Variants in CNTN6 observed in about 807,000 individuals in gnomAD.
CNTN6 encodes contactin-6.
CNTN6 carries 137 observed loss-of-function variants against 122.8 expected under a neutral mutation model. The observed-to-expected ratio is 1.12, with a 90% CI of 0.97 to 1.29. The LOEUF (loss-of-function observed/expected upper bound fraction) is 1.29. CNTN6 is among the 50% of genes most tolerant of loss of function. The pLI is 0.00. For synonymous variants in CNTN6, 570 were observed against 426.0 expected, an observed-to-expected ratio of 1.34 and a Z score of -4.16; for missense variants, 1,634 against 1,223.4, an observed-to-expected ratio of 1.34 and a Z score of -5.01.
chr3:1,129,592 G>C (rs1057128778), intron 1 of CNTN6, among the ~76,000 whole-genome samples: 1 of 152,010 alleles, frequency 6.6e-6, no homozygotes, highest in Non-Finnish European at 1.5e-5. Context: ...TTATTTTGGA[G>C]ATTAAACATA....
chr3:1,228,343 G>C (rs2094312091), intron 4 of CNTN6, among the ~76,000 whole-genome samples: 1 of 152,096 alleles, frequency 6.6e-6, no homozygotes, highest in Non-Finnish European at 1.5e-5. Flanking sequence ...GGAGAGCACA[G>C]GAAGAAAAAG....
intron 12 of CNTN6, among the ~76,000 whole-genome samples, chr3:1,355,551 T>TAGTC (rs1482681959): frequency 5.3e-5 from 8 of 151,794 alleles, no homozygotes; most frequent in Non-Finnish European, 1.2e-4. Flanking sequence ...ATTGGGTGTA[T>TAGTC]AGTCATCTGG....
intron 4 of CNTN6, among the ~76,000 whole-genome samples, chr3:1,264,870 C>A (rs1242349966): frequency 6.6e-6 from 1 of 151,934 alleles, no homozygotes; most frequent in Non-Finnish European, 1.5e-5. Flanking sequence ...TCCTATGCAC[C>A]CCTCTCCCCC....
In CNTN6 at chr3:1,329,575, G is replaced by A. The variant is rs1702005150; in HGVS notation, c.1214-210G>A. 2.0e-5 allele frequency among the ~76,000 whole-genome samples: 3 copies of A among 151,616 alleles called. No homozygotes were observed. The Admixed American group carries it at 2.0e-4, about 10-fold the overall frequency. Reference sequence around the variant, plus strand: ...TTAATCTCCACACTAACTCTCTAAGGTAATATCTTTTGTCATCTTCATTTT... The same window carrying A: ...TTAATCTCCACACTAACTCTCTAAGATAATATCTTTTGTCATCTTCATTTT... On this transcript the variant is annotated intron_variant, in intron 10 of 22. Transcript: ENST00000446702.
At chr3:1,402,248 T>C in intron 21 of CNTN6, 70 bp from the exon 22 acceptor site, 2 of 1,258,592 alleles carry the variant, frequency 1.6e-6, no homozygotes, top group Non-Finnish European at 2.3e-6. Flanking sequence ...TCTTACAGTG[T>C]TCCAGAACAG....
chr3:1,342,991 A>C (rs1296967101), intron 11 of CNTN6, among the ~76,000 whole-genome samples: 1 of 151,564 alleles, frequency 6.6e-6, no homozygotes, highest in East Asian at 1.9e-4. Context: ...CACCTTTGCC[A>C]CTCCTAAGAG....
chr3:1,309,334 T>A (rs1698870570), intron 7 of CNTN6, among the ~76,000 whole-genome samples: 1 of 152,228 alleles, frequency 6.6e-6, no homozygotes, highest in Non-Finnish European at 1.5e-5. Context: ...CTGGGTCTAT[T>A]CATTTTATAA....
At chr3:1,329,152 C>T (rs1382660056) in intron 10 of CNTN6, among the ~76,000 whole-genome samples, 1 of 150,456 alleles carries the variant, frequency 6.6e-6, no homozygotes, top group Non-Finnish European at 1.5e-5. Flanking sequence ...TGTTCCATTG[C>T]TTATATACAT....
At chr3:1,202,419 A>G (rs576132564) in intron 2 of CNTN6, among the ~76,000 whole-genome samples, 240 of 152,114 alleles carry the variant, frequency 1.6e-3, no homozygotes, top group Non-Finnish European at 2.9e-3. Flanking sequence ...GGGCGCCTGT[A>G]GTCCCAGCTA....
At chr3:1,165,673 TTATC>T (rs545661960) in intron 2 of CNTN6, among the ~76,000 whole-genome samples, 76 of 152,306 alleles carry the variant, frequency 5.0e-4, no homozygotes, top group African/African-American at 1.7e-3. Context: ...CACTAGTTCT[TTATC>T]TATATTACCC....
intron 1 of CNTN6, among the ~76,000 whole-genome samples, chr3:1,140,028 A>T (rs180790541): frequency 4.2e-4 from 64 of 152,304 alleles, no homozygotes; most frequent in African/African-American, 1.5e-3. Flanking sequence ...TATATTAACA[A>T]TATCACCCAC....
chr3:1,294,599 A>C (rs1355560579), intron 5 of CNTN6, among the ~76,000 whole-genome samples: 1 of 152,184 alleles, frequency 6.6e-6, no homozygotes, highest in Non-Finnish European at 1.5e-5. Context: ...GTTACCCACA[A>C]GATTTCCAGA....
rs982710593 is a variant in CNTN6 at position 1,373,954 on chromosome 3, A to G, written c.1976A>G (p.Asn659Ser). The change falls in exon 16 of 23, where the codon AAT becomes AGT. Residue 659 changes from asparagine to serine, a missense_variant. Physicochemically the swap from Asn to Ser is conservative, Grantham distance 46 (BLOSUM62 1). Transcript: ENST00000446702. ...VPEILNGKTY[N>S]ATVVGLSPWV... ...GAAATTCTCAATGGTAAGACATACA[A>G]TGCAACAGTGGTTGGTTTGAGTCCT... 19 of 1,612,958 alleles carry G rather than the reference A, an allele frequency of 1.2e-5. No individual in the cohort carries two copies. In the East Asian group the frequency reaches 1.3e-4, roughly 11 times the overall value.
chr3:1,307,251 G>A (rs528006944), intron 7 of CNTN6, among the ~76,000 whole-genome samples: 27 of 152,192 alleles, frequency 1.8e-4, no homozygotes, highest in African/African-American at 6.0e-4. Flanking sequence ...TTTTTCCCAC[G>A]CTGCCCTTTA....
intron 2 of CNTN6, among the ~76,000 whole-genome samples, chr3:1,202,431 T>G (rs1209597787): frequency 4.6e-5 from 7 of 151,550 alleles, no homozygotes; most frequent in Non-Finnish European, 7.4e-5. Context: ...TCCCAGCTAC[T>G]CGGGAGGCTG....
At chr3:1,265,563 TA>T (rs2094914119) in intron 4 of CNTN6, among the ~76,000 whole-genome samples, 1 of 152,226 alleles carries the variant, frequency 6.6e-6, no homozygotes, top group Non-Finnish European at 1.5e-5. Flanking sequence ...TGTAGACATT[TA>T]GGGGAGGAGT....
intron 4 of CNTN6, among the ~76,000 whole-genome samples, chr3:1,252,005 C>T (rs1477121817): frequency 6.6e-6 from 1 of 152,084 alleles, no homozygotes; most frequent in Non-Finnish European, 1.5e-5. Flanking sequence ...GTTATTTCCC[C>T]AAAATAATTC....
At chr3:1,380,325 C>A (rs2126169571) in intron 17 of CNTN6, among the ~76,000 whole-genome samples, 1 of 152,238 alleles carries the variant, frequency 6.6e-6, no homozygotes, top group East Asian at 1.9e-4. Flanking sequence ...TTCCCCAGAG[C>A]CACACAATAA....
At chr3:1,274,549 C>G (rs1691967952) in intron 4 of CNTN6, among the ~76,000 whole-genome samples, 1 of 152,034 alleles carries the variant, frequency 6.6e-6, no homozygotes, top group South Asian at 2.1e-4. Context: ...CATATCAGAT[C>G]TGGTGAATCT....
Sources: allele counts gnomAD v4.1 joint callset (sites outside exome capture counted in the v4.1 genomes callset), GRCh38; gene constraint gnomAD v4.1.1; transcripts MANE v1.5; gene names NCBI Gene and HGNC (gene_info 2026-07-23, HGNC 2026-07-21).